MELK: variants seen among roughly 807,000 people sequenced by gnomAD.
MELK encodes the protein pEg3 kinase.
In MELK, 81 loss-of-function variants were observed where a neutral mutation model predicts 85.0. The observed-to-expected ratio is 0.95, with a 90% CI of 0.80 to 1.15. MELK has a LOEUF of 1.15. MELK is among the 50% of genes most tolerant of loss of function. MELK has a pLI of 0.00. For missense variants in MELK, 754 were observed against 777.5 expected (o/e 0.97, Z 0.36); for synonymous variants, 252 against 265.0 (o/e 0.95, Z 0.48).
intron 2 of MELK, 51 bp from the exon 3 acceptor site, chr9:36,583,576 G>A: frequency 8.0e-7 from 1 of 1,252,988 alleles, no homozygotes; most frequent in Non-Finnish European, 1.1e-6. Flanking sequence ...ATAAAAAGGT[G>A]TTTGTGCCTG....
At chr9:36,638,095 G>A (rs1175574959) in intron 10 of MELK, among the ~76,000 whole-genome samples, 2 of 152,056 alleles carry the variant, frequency 1.3e-5, no homozygotes, top group African/African-American at 4.8e-5. Context: ...ATGTGCGGAG[G>A]GCTTTGCACA....
In MELK at chr9:36,630,344, C is replaced by T. The variant is rs765006706; in HGVS notation, c.712C>T (p.Leu238=). 1.9e-6 allele frequency: 3 copies of T among 1,610,950 alleles called. No homozygotes were observed. In the African/African-American group the frequency reaches 4.0e-5, roughly 21 times the overall value. The change falls in exon 9 of 18, where the codon CTG becomes TTG. Residue 238 remains leucine (L), a synonymous_variant. Coordinates refer to ENST00000298048, the MANE Select transcript of MELK (RefSeq NM_014791.4). ...VPKWLSPSSI[L]LLQQMLQVDP... is the part of the protein sequence containing the mutation. ...CAAGTGGCTCTCTCCCAGTAGCATTCTGCTTCTTCAACAAATGCTGCAGGT... is the reference window on the plus strand; with the variant it reads ...CAAGTGGCTCTCTCCCAGTAGCATTTTGCTTCTTCAACAAATGCTGCAGGT...
chr9:36,665,097 G>A (rs1832207637), intron 13 of MELK, among the ~76,000 whole-genome samples: 1 of 151,982 alleles, frequency 6.6e-6, no homozygotes, highest in Non-Finnish European at 1.5e-5. Flanking sequence ...TCACAATATT[G>A]CCTAGGATCT....
chr9:36,590,801 C>T (rs547881863), intron 4 of MELK, among the ~76,000 whole-genome samples: 27 of 152,200 alleles, frequency 1.8e-4, no homozygotes, highest in Admixed American at 1.5e-3. Flanking sequence ...TAATTTTGGC[C>T]GGGTCCTCTC....
At chr9:36,675,310 C>T (rs1833252979) in intron 17 of MELK, among the ~76,000 whole-genome samples, 1 of 152,108 alleles carries the variant, frequency 6.6e-6, no homozygotes, top group Non-Finnish European at 1.5e-5. Context: ...AGAAGTTGAT[C>T]TCCTCACCCC....
chr9:36,612,470 C>G (rs1478683925), intron 8 of MELK, among the ~76,000 whole-genome samples: 1 of 152,176 alleles, frequency 6.6e-6, no homozygotes, highest in Non-Finnish European at 1.5e-5. Flanking sequence ...ACTGCAAGCT[C>G]TGCCTCCTGG....
chr9:36,600,607 G>A (rs1278655975), intron 7 of MELK, among the ~76,000 whole-genome samples: 1 of 152,074 alleles, frequency 6.6e-6, no homozygotes, highest in Non-Finnish European at 1.5e-5. Flanking sequence ...GGATGGTCTC[G>A]ATCTGCTGAC....
chr9:36,634,823 T>C (rs1294419690), intron 10 of MELK, among the ~76,000 whole-genome samples: 2 of 151,342 alleles, frequency 1.3e-5, no homozygotes, highest in Non-Finnish European at 2.9e-5. Context: ...ATGGTGAAAC[T>C]CTGTCTCTAC....
chr9:36,596,590 G>GTTTTTTTTT (rs34969370), intron 5 of MELK, among the ~76,000 whole-genome samples: 3 of 91,304 alleles, frequency 3.3e-5, no homozygotes, highest in South Asian at 3.5e-4. Context: ...TGTTTTTTTT[G>GTTTTTTTTT]TTTTTTTTTT....
At chr9:36,656,312 G>A (rs1362424489) in intron 12 of MELK, among the ~76,000 whole-genome samples, 1 of 152,142 alleles carries the variant, frequency 6.6e-6, no homozygotes, top group Non-Finnish European at 1.5e-5. Context: ...ATTTGCAGTA[G>A]AGTTGTCTGG....
At chr9:36,606,075 T>G (rs1209501678) in intron 7 of MELK, among the ~76,000 whole-genome samples, 1 of 151,952 alleles carries the variant, frequency 6.6e-6, no homozygotes. Context: ...TAGTTACTGC[T>G]TAGGACTCAT....
chr9:36,657,149 T>C (rs1831329689), intron 12 of MELK, 92 bp from the exon 13 acceptor site: 2 of 1,369,468 alleles, frequency 1.5e-6, no homozygotes, highest in Non-Finnish European at 2.0e-6. Context: ...TTTCTCAGAA[T>C]GTGTCTCTGT....
chr9:36,656,891 A>G (rs1297838889), intron 12 of MELK, among the ~76,000 whole-genome samples: 1 of 152,236 alleles, frequency 6.6e-6, no homozygotes, highest in Non-Finnish European at 1.5e-5. Context: ...TGCTGGGATT[A>G]CAGGCATGAG....
At chr9:36,626,164 G>A (rs1187273089) in intron 8 of MELK, among the ~76,000 whole-genome samples, 1 of 152,102 alleles carries the variant, frequency 6.6e-6, no homozygotes, top group Non-Finnish European at 1.5e-5. Context: ...CTTATACCAA[G>A]GCTGGAATGT....
intron 4 of MELK, among the ~76,000 whole-genome samples, chr9:36,594,006 A>G (rs913994352): frequency 3.3e-5 from 5 of 152,184 alleles, no homozygotes; most frequent in African/African-American, 1.2e-4. Flanking sequence ...GAGTACATCT[A>G]TAAGAGCAGT....
intron 3 of MELK, among the ~76,000 whole-genome samples, chr9:36,584,475 G>T (rs1418609810): frequency 1.4e-5 from 2 of 147,322 alleles, no homozygotes; most frequent in South Asian, 4.3e-4. Flanking sequence ...CCGCCACCAT[G>T]CCTGGCTAAT....
chr9:36,580,581 G>A (rs571609217), intron 1 of MELK, among the ~76,000 whole-genome samples: 18 of 151,446 alleles, frequency 1.2e-4, no homozygotes, highest in Non-Finnish European at 1.6e-4. Context: ...GCCTCCCAAA[G>A]TGCTGGGATT....
intron 6 of MELK, among the ~76,000 whole-genome samples, chr9:36,598,446 A>C (rs1330409962): frequency 6.6e-6 from 1 of 152,148 alleles, no homozygotes; most frequent in Non-Finnish European, 1.5e-5. Flanking sequence ...GACATCTCAC[A>C]ATTCACAAAT....
intron 11 of MELK, among the ~76,000 whole-genome samples, chr9:36,650,277 A>G: frequency 6.6e-6 from 1 of 151,992 alleles, no homozygotes; most frequent in Middle Eastern, 3.4e-3. Context: ...AAAATTTAAG[A>G]TTAAAAACAA....
Sources: gnomAD v4.1 joint callset for allele counts (sites outside exome capture counted in the v4.1 genomes callset) on GRCh38, gnomAD v4.1.1 for gene constraint, MANE v1.5 for transcripts, NCBI Gene and HGNC (gene_info 2026-07-23, HGNC 2026-07-21) for gene names.